The following MEP1B variants were observed in gnomAD, a reference collection of about 807,000 sequenced individuals.
MEP1B encodes the protein N-benzoyl-L-tyrosyl-P-amino-benzoic acid hydrolase subunit beta.
MEP1B carries 80 observed loss-of-function variants against 84.6 expected under a neutral mutation model. That is an observed-to-expected ratio of 0.95 (90% confidence interval 0.79 to 1.14). MEP1B has a LOEUF of 1.14. Among genes scored for constraint, MEP1B ranks in the 50% most tolerant of loss-of-function variants. The probability of loss-of-function intolerance (pLI) is 0.00; values close to 1 mark genes in which losing one functional copy is unlikely to be tolerated. For missense variants in MEP1B, 766 were observed against 855.1 expected (o/e 0.90, Z 1.30); for synonymous variants, 273 against 288.1 (o/e 0.95, Z 0.53).
rs551620168 is a variant in MEP1B at position 32,192,559 on chromosome 18, G to T, written c.83-87G>T. 224 of 1,235,472 alleles carry T rather than the reference G, an allele frequency of 1.8e-4. No individual in the cohort carries two copies. The African/African-American group carries it at 2.7e-3, about 15-fold the overall frequency. The allele number at this position is 1,235,472 out of a possible 1,614,324, so 76.5% of individuals were successfully genotyped here. A position where few individuals can be genotyped will look rare whatever the true frequency, so the allele number is the denominator to read the frequency against. On this transcript the variant is annotated intron_variant, in intron 2 of 14. Transcript: ENST00000269202. Reference sequence around the variant, plus strand: ...AGTCACCTGAGGCCAAAAGAAACTTGCTTAGTTCTGATTATATAAATGATA... The same window carrying T: ...AGTCACCTGAGGCCAAAAGAAACTTTCTTAGTTCTGATTATATAAATGATA...
intron 7 of MEP1B, among the ~76,000 whole-genome samples, chr18:32,206,671 G>A (rs2040968128): frequency 1.3e-5 from 2 of 152,180 alleles, no homozygotes; most frequent in South Asian, 4.1e-4. Context: ...GAGTGCAGTA[G>A]TGCAATCTTG....
chr18:32,213,000 C>A, intron 10 of MEP1B, 116 bp from the exon 11 acceptor site: 1 of 916,748 alleles, frequency 1.1e-6, no homozygotes, highest in Admixed American at 2.5e-5. Flanking sequence ...TACTTCTGAC[C>A]TGTAGAAATA....
intron 1 of MEP1B, among the ~76,000 whole-genome samples, chr18:32,191,250 G>T (rs1293256759): frequency 1.0e-4 from 14 of 138,656 alleles, no homozygotes; most frequent in Admixed American, 7.2e-5. Context: ...GAGTTTCATT[G>T]ACCATTTGTG....
chr18:32,207,865 A>C (rs1456539615), intron 8 of MEP1B, among the ~76,000 whole-genome samples: 1 of 152,230 alleles, frequency 6.6e-6, no homozygotes. Context: ...GTATAGACTC[A>C]GGTTTCTACA....
At chr18:32,218,813 T>C (rs1260561762) in intron 14 of MEP1B, among the ~76,000 whole-genome samples, 1 of 152,028 alleles carries the variant, frequency 6.6e-6, no homozygotes, top group African/African-American at 2.4e-5. Context: ...GGGCATAAAA[T>C]TGGGCAAGGC....
chr18:32,201,928 G>T (rs1338251670), intron 5 of MEP1B, among the ~76,000 whole-genome samples: 1 of 152,172 alleles, frequency 6.6e-6, no homozygotes, highest in African/African-American at 2.4e-5. Flanking sequence ...GAAAGGAAAT[G>T]AACATTTGAC....
At chr18:32,204,607 G>A (rs1178777493) in intron 7 of MEP1B, among the ~76,000 whole-genome samples, 1 of 152,142 alleles carries the variant, frequency 6.6e-6, no homozygotes, top group Admixed American at 6.5e-5. Flanking sequence ...ATATGTTCAT[G>A]AGTATTATGT....
At chr18:32,198,723 C>T (rs1312336313) in intron 5 of MEP1B, among the ~76,000 whole-genome samples, 2 of 152,054 alleles carry the variant, frequency 1.3e-5, no homozygotes, top group African/African-American at 4.8e-5. Flanking sequence ...GTCGTGTATA[C>T]TAATAACATG....
intron 1 of MEP1B, among the ~76,000 whole-genome samples, chr18:32,190,399 G>A (rs1281300809): frequency 2.0e-5 from 3 of 152,134 alleles, no homozygotes; most frequent in East Asian, 1.9e-4. Context: ...GATTATAAAT[G>A]TGTATTTTGA....
chr18:32,192,699 A>T lies in MEP1B; in HGVS notation c.127+9A>T. On this transcript the variant is annotated intron_variant, in intron 3 of 14. Transcript: ENST00000269202. ...ATTTGATATCAATGAAGGTTTGTGG[A>T]TTTTTTTTACATAATCTCTTAAGTA... is the stretch of plus-strand genomic sequence containing the variant. 1.9e-6 allele frequency: 3 copies of T among 1,612,644 alleles called. No homozygotes were observed. The highest frequency in any genetic ancestry group is 2.5e-6 in the Non-Finnish European group (3 of 1,178,918).
chr18:32,203,434 T>G (rs553756498), intron 6 of MEP1B, among the ~76,000 whole-genome samples: 3 of 152,326 alleles, frequency 2.0e-5, no homozygotes, highest in Non-Finnish European at 4.4e-5. Context: ...GAGTGGTTGC[T>G]GTCCCTGTAA....
In MEP1B at chr18:32,204,299, T is replaced by A. The variant is rs1335409052; in HGVS notation, c.486T>A (p.His162Gln). ...TCCTCCACGCTCTGGGATTCTGGCA[T>A]GAGCAGTCGCGTTCTGACCGGGATG... ...HEFLHALGFW[H>Q]EQSRSDRDDY... The change falls in exon 7 of 15, where the codon CAT (histidine) becomes CAA (glutamine). Residue 162 changes from histidine (H) to glutamine (Q), a missense_variant. His to Gln is a conservative substitution (Grantham distance 24, BLOSUM62 0). Transcript: ENST00000269202. The A allele has an allele frequency of 2.5e-6, 4 of 1,604,342 alleles. No individual in the cohort carries two copies. The highest frequency in any genetic ancestry group is 3.4e-6 in the Non-Finnish European group (4 of 1,175,744).
intron 1 of MEP1B, 109 bp from the exon 2 acceptor site, chr18:32,191,713 T>C (rs561720618): frequency 9.0e-6 from 6 of 667,872 alleles, no homozygotes; most frequent in East Asian, 5.9e-5. Flanking sequence ...TAATCCATAA[T>C]ATTAATGACA....
chr18:32,195,557 G>T, intron 5 of MEP1B, 72 bp downstream of exon 5: 2 of 1,044,916 alleles, frequency 1.9e-6, no homozygotes, highest in East Asian at 4.9e-5. Flanking sequence ...TGTTTCAAAG[G>T]GTGGGCTTAT....
At chr18:32,218,884 GC>G (rs1411921821) in intron 14 of MEP1B, among the ~76,000 whole-genome samples, 1 of 152,240 alleles carries the variant, frequency 6.6e-6, no homozygotes, top group African/African-American at 2.4e-5. Flanking sequence ...GCAGGACAAA[GC>G]AGCAGTTCCC....
At chr18:32,202,859 A>C in intron 5 of MEP1B, 34 bp from the exon 6 acceptor site, 2 of 1,377,798 alleles carry the variant, frequency 1.5e-6, no homozygotes, top group Non-Finnish European at 2.0e-6. Context: ...TGATTGTTTT[A>C]ATAAGCTTAT....
intron 12 of MEP1B, 123 bp from the exon 13 acceptor site, chr18:32,216,868 T>C (rs1251507963): frequency 1.4e-5 from 13 of 961,264 alleles, no homozygotes; most frequent in Non-Finnish European, 1.8e-5. Context: ...ATCTCACCTC[T>C]AAAAAAAAAA....
intron 4 of MEP1B, among the ~76,000 whole-genome samples, chr18:32,193,499 C>T (rs1267539410): frequency 6.6e-6 from 1 of 151,964 alleles, no homozygotes; most frequent in Non-Finnish European, 1.5e-5. Flanking sequence ...TACTTACTAT[C>T]CCTTTTGGTG....
chr18:32,209,208 C>T (rs1425037657), intron 9 of MEP1B, among the ~76,000 whole-genome samples: 4 of 152,146 alleles, frequency 2.6e-5, no homozygotes, highest in Non-Finnish European at 5.9e-5. Flanking sequence ...AAAATTGGGC[C>T]GGGTGCAGTG....
Sources: allele counts gnomAD v4.1 joint callset (sites outside exome capture counted in the v4.1 genomes callset), GRCh38; gene constraint gnomAD v4.1.1; transcripts MANE v1.5; gene names NCBI Gene and HGNC (gene_info 2026-07-23, HGNC 2026-07-21).